The following CCSER1 variants were observed in gnomAD, a reference collection of about 807,000 sequenced individuals.
CCSER1 encodes serine-rich coiled-coil domain-containing protein 1.
In CCSER1, 41 loss-of-function variants were observed where a neutral mutation model predicts 82.0. The observed-to-expected ratio is 0.50, with a 90% CI of 0.39 to 0.65. The LOEUF (loss-of-function observed/expected upper bound fraction) is 0.65, where lower values mean the gene tolerates loss of function less well. Among genes scored for constraint, CCSER1 ranks in the 30% least tolerant of loss-of-function variants. CCSER1 has a pLI of 0.00. For synonymous variants in CCSER1, 414 were observed against 383.9 expected (o/e 1.08, Z -0.92); for missense variants, 1,119 against 1,064.2 (o/e 1.05, Z -0.72).
At chr4:90,700,645 C>A (rs1419946467) in intron 6 of CCSER1, among the ~76,000 whole-genome samples, 3 of 152,298 alleles carry the variant, frequency 2.0e-5, no homozygotes, top group South Asian at 2.1e-4. Flanking sequence ...TCCTCTCCAG[C>A]ACCTGTTGTT....
At chr4:90,791,896 G>A (rs1755311481) in intron 7 of CCSER1, among the ~76,000 whole-genome samples, 1 of 151,168 alleles carries the variant, frequency 6.6e-6, no homozygotes, top group Admixed American at 6.6e-5. Context: ...TAAAGTATAG[G>A]CTAAATGTAA....
chr4:90,821,408 A>G (rs1759704996), intron 8 of CCSER1, among the ~76,000 whole-genome samples: 1 of 152,198 alleles, frequency 6.6e-6, no homozygotes, highest in Admixed American at 6.6e-5. Flanking sequence ...ATGGAAAAGA[A>G]CCAACGTTCA....
chr4:91,111,698 T>C (rs1322218966), intron 10 of CCSER1, among the ~76,000 whole-genome samples: 3 of 151,848 alleles, frequency 2.0e-5, no homozygotes, highest in Non-Finnish European at 4.4e-5. Context: ...ACTCTACCAA[T>C]GTAGAGTTAA....
intron 10 of CCSER1, among the ~76,000 whole-genome samples, chr4:91,437,461 T>A (rs1333739691): frequency 6.6e-6 from 1 of 152,188 alleles, no homozygotes; most frequent in African/African-American, 2.4e-5. Flanking sequence ...AGCCTCACGA[T>A]CTCAGAATGG....
intron 6 of CCSER1, among the ~76,000 whole-genome samples, chr4:90,649,263 A>C (rs1427053900): frequency 6.6e-6 from 1 of 152,192 alleles, no homozygotes; most frequent in Non-Finnish European, 1.5e-5. Flanking sequence ...TGGCAGTGGC[A>C]ATGGGAAGCT....
At position 91,374,775 on chromosome 4, in the gene CCSER1, C is replaced by T. The variant is rs900373383; in HGVS notation, c.2218-223797C>T. Among the ~76,000 whole-genome samples the T allele has an allele frequency of 2.6e-5, 4 of 152,172 alleles. No homozygotes were observed. In the South Asian group the frequency reaches 8.3e-4, roughly 31 times the overall value. On this transcript the variant is annotated intron_variant, in intron 10 of 10. Coordinates refer to ENST00000509176, the MANE Select transcript of CCSER1 (RefSeq NM_001145065.2). ...CTTTGGGAGGCCGAGGTGGGTGAAT[C>T]TCTTGAGGTCAGGAGTTTGAGACCA...
At chr4:91,299,524 C>T (rs1035067254) in intron 10 of CCSER1, among the ~76,000 whole-genome samples, 1 of 151,790 alleles carries the variant, frequency 6.6e-6, no homozygotes, top group Admixed American at 6.6e-5. Flanking sequence ...TATTATCATC[C>T]CCTTTTTTTG....
chr4:91,601,957 A>T lies in CCSER1; in HGVS notation c.*2900A>T, dbSNP rs1342990336. 1 of 152,056 alleles carries T rather than the reference A, an allele frequency of 6.6e-6. No individual in the cohort carries two copies. The highest frequency in any genetic ancestry group is 1.5e-5 in the Non-Finnish European group (1 of 67,952). 9.4% of individuals were successfully genotyped at this position (152,056 alleles called of 1,614,324 possible). ...TTTTTTTCCATAAAATTATATGCTA[A>T]GAGAGTCACCACAAAACTATGAATT... On this transcript the variant is annotated 3_prime_UTR_variant, in exon 11 of 11. Coordinates refer to ENST00000509176, the MANE Select transcript of CCSER1 (RefSeq NM_001145065.2).
intron 10 of CCSER1, among the ~76,000 whole-genome samples, chr4:91,372,500 C>T (rs1578292905): frequency 6.6e-6 from 1 of 151,748 alleles, no homozygotes; most frequent in African/African-American, 2.4e-5. Context: ...TACCCTATTA[C>T]CTATTTTCTT....
At chr4:90,445,450 TG>T (rs894847926) in intron 4 of CCSER1, among the ~76,000 whole-genome samples, 79 of 152,062 alleles carry the variant, frequency 5.2e-4, no homozygotes, top group African/African-American at 1.7e-3. Context: ...CCATTCAACC[TG>T]GGGTGTGAAT....
At chr4:90,590,141 G>A (rs563627163) in intron 5 of CCSER1, among the ~76,000 whole-genome samples, 30 of 152,190 alleles carry the variant, frequency 2.0e-4, no homozygotes, top group African/African-American at 3.1e-4. Context: ...AGGCATGGTG[G>A]CACATGCCTG....
At chr4:91,076,051 G>C (rs1404523220) in intron 9 of CCSER1, among the ~76,000 whole-genome samples, 1 of 152,112 alleles carries the variant, frequency 6.6e-6, no homozygotes, top group Non-Finnish European at 1.5e-5. Context: ...GCATCTCCCA[G>C]ATCATAGAAT....
chr4:90,971,673 T>G (rs1735123120), intron 9 of CCSER1, among the ~76,000 whole-genome samples: 1 of 151,850 alleles, frequency 6.6e-6, no homozygotes. Flanking sequence ...AAGGCCCAAA[T>G]TACCCTGAAT....
intron 8 of CCSER1, among the ~76,000 whole-genome samples, chr4:90,901,019 A>C (rs1724561324): frequency 6.6e-6 from 1 of 151,942 alleles, no homozygotes; most frequent in East Asian, 1.9e-4. Flanking sequence ...AAATTGAATC[A>C]TTTAGCATCA....
At chr4:90,337,118 C>G (rs546538918) in intron 3 of CCSER1, among the ~76,000 whole-genome samples, 4 of 152,274 alleles carry the variant, frequency 2.6e-5, no homozygotes, top group Admixed American at 2.0e-4. Flanking sequence ...TCACTTCCAT[C>G]AATTATGTTT....
At chr4:91,232,375 A>G (rs1164815272) in intron 10 of CCSER1, among the ~76,000 whole-genome samples, 1 of 151,858 alleles carries the variant, frequency 6.6e-6, no homozygotes, top group Non-Finnish European at 1.5e-5. Flanking sequence ...ATATCTATAC[A>G]GTAGAATTCC....
chr4:91,123,068 AT>A (rs1727224886), intron 10 of CCSER1, among the ~76,000 whole-genome samples: 1 of 151,728 alleles, frequency 6.6e-6, no homozygotes, highest in Non-Finnish European at 1.5e-5. Context: ...TTGGGCCTTT[AT>A]TATGCTGCAA....
Position 90,303,969 on chromosome 4 carries a change from A to G in CCSER1, c.-41-4275A>G, listed in dbSNP as rs200228608. On this transcript the variant is annotated intron_variant, in intron 1 of 10. Coordinates refer to ENST00000509176, the MANE Select transcript of CCSER1 (RefSeq NM_001145065.2). ...CAAATTTACAAGAGAAAACCAAACA[A>G]CCCCATCAAAAAGTGGGCGAAGGAC... Among the ~76,000 whole-genome samples, 34 of 152,170 alleles carry G rather than the reference A, an allele frequency of 2.2e-4. 1 individual carries two copies. In the East Asian group the frequency reaches 6.4e-3, roughly 29 times the overall value.
intron 7 of CCSER1, among the ~76,000 whole-genome samples, chr4:90,776,956 T>C (rs1199541845): frequency 6.6e-6 from 1 of 152,214 alleles, no homozygotes; most frequent in East Asian, 1.9e-4. Flanking sequence ...TTCAACATTA[T>C]ATTCGCAGTA....
Sources: gnomAD v4.1 joint callset for allele counts (sites outside exome capture counted in the v4.1 genomes callset) on GRCh38, gnomAD v4.1.1 for gene constraint, MANE v1.5 for transcripts, NCBI Gene and HGNC (gene_info 2026-07-23, HGNC 2026-07-21) for gene names.